OSTF1: variants seen among roughly 807,000 people sequenced by gnomAD.
The protein encoded by OSTF1 is osteoclast stimulating factor 1.
A neutral mutation model predicts 37.2 loss-of-function variants in OSTF1; 27 were observed. The observed-to-expected ratio is 0.73, with a 90% confidence interval of 0.54 to 1.00. OSTF1 has a LOEUF of 1.00. Ranked by LOEUF, OSTF1 falls within the 50% of genes least tolerant of loss-of-function variation. OSTF1 has a pLI of 0.00. For missense variants in OSTF1, 232 were observed against 253.8 expected (o/e 0.91, Z 0.58); for synonymous variants, 82 against 89.2 (o/e 0.92, Z 0.46).
intron 1 of OSTF1, among the ~76,000 whole-genome samples, chr9:75,116,669 C>T (rs1825495528): frequency 6.7e-6 from 1 of 149,200 alleles, no homozygotes; most frequent in South Asian, 2.2e-4. Context: ...AGAATTCCAA[C>T]CCACTGATTT....
Position 75,121,017 on chromosome 9 carries a change from G to A in OSTF1, c.81+3467G>A, listed in dbSNP as rs79335586. ...TTTCAGTCCTGCTCATAGACACAGC[G>A]TCTGAGGAAGCAGGGTAGCACTGGG... On this transcript the variant is annotated intron_variant, in intron 2 of 9. Coordinates refer to ENST00000346234, the MANE Select transcript of OSTF1 (RefSeq NM_012383.5). Among the ~76,000 whole-genome samples the A allele has an allele frequency of 9.9e-3, 1,502 of 152,314 alleles. 20 individuals carry two copies. Among genetic ancestry groups the A allele is most frequent in the African/African-American group, 0.034 (1,413 of 41,550 alleles).
chr9:75,130,556 A>G, intron 3 of OSTF1, 22 bp from the exon 4 acceptor site: 1 of 1,546,906 alleles, frequency 6.5e-7, no homozygotes, highest in Non-Finnish European at 8.9e-7. Flanking sequence ...CATACCACTT[A>G]ATTTAACTCT....
intron 1 of OSTF1, among the ~76,000 whole-genome samples, chr9:75,102,193 C>T (rs901459133): frequency 2.0e-5 from 3 of 152,090 alleles, no homozygotes; most frequent in South Asian, 2.1e-4. Context: ...CAGGCTGATC[C>T]TGAACTCCTG....
At chr9:75,119,774 G>A (rs971800775) in intron 2 of OSTF1, among the ~76,000 whole-genome samples, 80 of 152,324 alleles carry the variant, frequency 5.3e-4, no homozygotes, top group Non-Finnish European at 2.9e-5. Flanking sequence ...AGGCCATCCT[G>A]GCCAACATGG....
chr9:75,106,987 G>GA (rs112031324), intron 1 of OSTF1, among the ~76,000 whole-genome samples: 406 of 112,248 alleles, frequency 3.6e-3, no homozygotes, highest in African/African-American at 0.011. Context: ...GAAAAAAAAA[G>GA]AAAAAAAAAA....
At chr9:75,130,146 TA>T (rs1433575828) in intron 3 of OSTF1, among the ~76,000 whole-genome samples, 5 of 152,120 alleles carry the variant, frequency 3.3e-5, no homozygotes, top group African/African-American at 1.2e-4. Context: ...TACTTTTTTG[TA>T]AGTTTAAATT....
intron 1 of OSTF1, among the ~76,000 whole-genome samples, chr9:75,109,865 A>G (rs1431278567): frequency 1.3e-5 from 2 of 152,216 alleles, no homozygotes; most frequent in South Asian, 2.1e-4. Flanking sequence ...TATTTGTTCT[A>G]TAATGCTTAG....
At chr9:75,103,387 A>G (rs1054216630) in intron 1 of OSTF1, among the ~76,000 whole-genome samples, 1 of 152,262 alleles carries the variant, frequency 6.6e-6, no homozygotes, top group African/African-American at 2.4e-5. Flanking sequence ...TGGGATACTT[A>G]TTCATTGTAG....
intron 1 of OSTF1, among the ~76,000 whole-genome samples, chr9:75,094,358 CA>C (rs1042528808): frequency 1.0e-4 from 15 of 145,932 alleles, no homozygotes; most frequent in African/African-American, 3.5e-4. Context: ...CGCTTTGATA[CA>C]AAAAAAAGGT....
At position 75,130,580 on chromosome 9, in the gene OSTF1, C is replaced by T. The variant is rs140008755; in HGVS notation, c.135C>T (p.Ser45=). The part of the protein sequence containing the change: ...EGDIIYITDM[S]DTNWWKGTSK... ...TAATTTAACTCTTCTTTTACCAGAG[C>T]GATACCAATTGGTGGAAAGGCACCT... The change falls in exon 4 of 10, where the codon AGC becomes AGT. Residue 45 remains serine (S), a splice_region_variant and synonymous_variant. Coordinates refer to ENST00000346234, the MANE Select transcript of OSTF1 (RefSeq NM_012383.5). 47 of 1,601,922 alleles carry T rather than the reference C, an allele frequency of 2.9e-5. No homozygotes were observed. The highest frequency in any genetic ancestry group is 5.3e-5 in the African/African-American group (4 of 74,784).
intron 1 of OSTF1, among the ~76,000 whole-genome samples, chr9:75,099,824 G>A (rs1282919219): frequency 6.6e-6 from 1 of 150,660 alleles, no homozygotes; most frequent in African/African-American, 2.5e-5. Flanking sequence ...GTGAGACTCT[G>A]TTTCAGAAAA....
At chr9:75,106,499 G>A (rs1463879426) in intron 1 of OSTF1, among the ~76,000 whole-genome samples, 1 of 151,954 alleles carries the variant, frequency 6.6e-6, no homozygotes, top group Non-Finnish European at 1.5e-5. Flanking sequence ...ACACAAATTA[G>A]CTGGACATGG....
rs1468827307 is a variant in OSTF1, at chr9:75,098,533, T to C, written c.34+9807T>C. 3.9e-5 allele frequency among the ~76,000 whole-genome samples: 6 copies of C among 152,270 alleles called. No individual in the cohort carries two copies. The East Asian group carries it at 1.2e-3, about 29-fold the overall frequency. ...AGATTCCAAGGAGACCCTTGCAAAA[T>C]GTGGTTGTTCTTGAATGGCCATCGA... On this transcript the variant is annotated intron_variant, in intron 1 of 9. Coordinates refer to ENST00000346234, the MANE Select transcript of OSTF1 (RefSeq NM_012383.5).
intron 7 of OSTF1, among the ~76,000 whole-genome samples, chr9:75,137,015 A>G (rs1262733215): frequency 6.6e-6 from 1 of 152,028 alleles, no homozygotes; most frequent in Non-Finnish European, 1.5e-5. Flanking sequence ...GCCTTTTGCT[A>G]CTTCTCTTGT....
At chr9:75,125,220 G>A (rs569414332) in intron 2 of OSTF1, among the ~76,000 whole-genome samples, 67 of 152,334 alleles carry the variant, frequency 4.4e-4, no homozygotes, top group African/African-American at 1.5e-3. Flanking sequence ...GGAGGTTGGG[G>A]CAGAGGTGGC....
intron 1 of OSTF1, among the ~76,000 whole-genome samples, chr9:75,089,980 G>A (rs1824930320): frequency 6.6e-6 from 1 of 152,134 alleles, no homozygotes; most frequent in Non-Finnish European, 1.5e-5. Context: ...GGAAGTTGCT[G>A]AGACTGGCTC....
At chr9:75,115,520 C>T (rs908020324) in intron 1 of OSTF1, among the ~76,000 whole-genome samples, 1 of 152,092 alleles carries the variant, frequency 6.6e-6, no homozygotes, top group African/African-American at 2.4e-5. Context: ...GAACACCTGA[C>T]CTCAAGTGAT....
intron 7 of OSTF1, among the ~76,000 whole-genome samples, chr9:75,134,947 A>G (rs1348827620): frequency 2.0e-5 from 3 of 152,042 alleles, no homozygotes; most frequent in Non-Finnish European, 2.9e-5. Flanking sequence ...TACAGTCTTG[A>G]TATATAATAC....
At chr9:75,115,804 C>G (rs570432027) in intron 1 of OSTF1, among the ~76,000 whole-genome samples, 1 of 152,016 alleles carries the variant, frequency 6.6e-6, no homozygotes, top group Admixed American at 6.6e-5. Context: ...AGGAAAAATA[C>G]TAAAAAATAA....
Sources: allele counts gnomAD v4.1 joint callset (sites outside exome capture counted in the v4.1 genomes callset), GRCh38; gene constraint gnomAD v4.1.1; transcripts MANE v1.5; gene names NCBI Gene and HGNC (gene_info 2026-07-23, HGNC 2026-07-21).